The following CNTN4 variants were observed in gnomAD, a reference collection of about 807,000 sequenced individuals.
CNTN4 encodes the protein contactin 4.
A neutral mutation model predicts 122.5 loss-of-function variants in CNTN4; 77 were observed. The observed-to-expected ratio is 0.63, with a 90% confidence interval of 0.52 to 0.76. The LOEUF is 0.76. Ranked by LOEUF, CNTN4 falls within the 30% of genes least tolerant of loss-of-function variation. The pLI, the probability that CNTN4 is intolerant of heterozygous loss-of-function variation, is 0.00. For synonymous variants in CNTN4, 512 were observed against 447.0 expected, an observed-to-expected ratio of 1.15 and a Z score of -1.83; for missense variants, 1,256 against 1,259.1, an observed-to-expected ratio of 1.00 and a Z score of 0.04.
intron 2 of CNTN4, among the ~76,000 whole-genome samples, chr3:2,170,530 G>A (rs1378705858): frequency 6.6e-6 from 1 of 152,116 alleles, no homozygotes; most frequent in African/African-American, 2.4e-5. Flanking sequence ...TCATTCTAAG[G>A]ATGTCACATG....
chr3:2,159,984 C>G (rs758964855), intron 2 of CNTN4, among the ~76,000 whole-genome samples: 57 of 152,132 alleles, frequency 3.7e-4, no homozygotes, highest in Non-Finnish European at 7.2e-4. Flanking sequence ...CACCCAAATT[C>G]TTTTTCTTTG....
chr3:2,364,827 G>A (rs2045308917), intron 3 of CNTN4, among the ~76,000 whole-genome samples: 1 of 152,134 alleles, frequency 6.6e-6, no homozygotes. Flanking sequence ...GGTGAATCTA[G>A]GCCATTGCCA....
At chr3:3,043,545 T>C (rs1257236372) in intron 22 of CNTN4, 47 bp from the exon 23 acceptor site, 26 of 1,394,730 alleles carry the variant, frequency 1.9e-5, no homozygotes, top group Non-Finnish European at 2.5e-5. Context: ...TCAGAATCCA[T>C]TGAGACTTAA....
intron 3 of CNTN4, among the ~76,000 whole-genome samples, chr3:2,413,039 C>G (rs1382627902): frequency 3.3e-5 from 5 of 152,146 alleles, no homozygotes; most frequent in Non-Finnish European, 7.3e-5. Context: ...AAAATGTGTG[C>G]AGGATTCCAT....
rs114804707 is a variant in CNTN4, at chr3:2,776,923, C to A, written c.358+31226C>A. ...TGAGGGTGGGTATGCATATAAAATACATTGAAAATCCCTAATTTGTATTCC... is the reference window on the plus strand; with the variant it reads ...TGAGGGTGGGTATGCATATAAAATAAATTGAAAATCCCTAATTTGTATTCC... On this transcript the variant is annotated intron_variant, in intron 6 of 24. Transcript: ENST00000418658. Among the ~76,000 whole-genome samples the A allele has an allele frequency of 5.9e-3, 905 of 152,238 alleles. 12 individuals carry two copies. The highest frequency in any genetic ancestry group is 0.021 in the African/African-American group (873 of 41,532).
intron 7 of CNTN4, among the ~76,000 whole-genome samples, chr3:2,840,194 C>A (rs1442061985): frequency 6.6e-6 from 1 of 152,100 alleles, no homozygotes; most frequent in Non-Finnish European, 1.5e-5. Context: ...AACAACATAG[C>A]CTGCTTATGT....
At chr3:2,280,119 AT>A (rs1262199276) in intron 2 of CNTN4, among the ~76,000 whole-genome samples, 1 of 151,856 alleles carries the variant, frequency 6.6e-6, no homozygotes. Flanking sequence ...ACATGCATTT[AT>A]TTTTTTATTT....
At position 2,279,748 on chromosome 3, in the gene CNTN4, A is replaced by G. The variant is rs549475313; in HGVS notation, c.-144-59430A>G. 1.3e-3 allele frequency among the ~76,000 whole-genome samples: 201 copies of G among 151,916 alleles called. 1 individual carries two copies. Among genetic ancestry groups the G allele is most frequent in the African/African-American group, 4.7e-3 (197 of 41,486 alleles). ...CTTTAGACAGAATTTTGGTATATAT[A>G]TATGATATATATGTGATTATATCTA... On this transcript the variant is annotated intron_variant, in intron 2 of 24. Coordinates refer to ENST00000418658, the MANE Select transcript of CNTN4 (RefSeq NM_175607.3).
chr3:2,123,129 A>T (rs913422925), intron 2 of CNTN4, among the ~76,000 whole-genome samples: 10 of 152,174 alleles, frequency 6.6e-5, no homozygotes, highest in Admixed American at 6.5e-4. Flanking sequence ...GACACAGTGG[A>T]GTTTATGGTA....
chr3:2,564,779 G>A (rs73001939), intron 3 of CNTN4, among the ~76,000 whole-genome samples: 3,228 of 152,118 alleles, frequency 0.021, 58 homozygotes, highest in Non-Finnish European at 0.036. Flanking sequence ...GGTAGAATAA[G>A]GTTTTCTATA....
chr3:2,200,478 G>A (rs1004434204), intron 2 of CNTN4, among the ~76,000 whole-genome samples: 8 of 151,930 alleles, frequency 5.3e-5, no homozygotes, highest in South Asian at 4.2e-4. Flanking sequence ...TGAGGGGGAG[G>A]GGTTCTATTA....
chr3:2,325,274 A>G (rs544828160), intron 2 of CNTN4, among the ~76,000 whole-genome samples: 60 of 152,294 alleles, frequency 3.9e-4, no homozygotes, highest in African/African-American at 1.4e-3. Flanking sequence ...AGAACATGCT[A>G]TCCTCCTCAT....
chr3:2,257,725 C>G (rs1192699403), intron 2 of CNTN4, among the ~76,000 whole-genome samples: 1 of 152,134 alleles, frequency 6.6e-6, no homozygotes, highest in Non-Finnish European at 1.5e-5. Context: ...ATCAAAACCA[C>G]AATGAGATAC....
intron 4 of CNTN4, among the ~76,000 whole-genome samples, chr3:2,571,819 T>G (rs868380627): frequency 4.6e-5 from 7 of 152,294 alleles, no homozygotes; most frequent in African/African-American, 1.7e-4. Flanking sequence ...TTATTTAGTT[T>G]GAAAGTTGTT....
intron 3 of CNTN4, among the ~76,000 whole-genome samples, chr3:2,514,398 G>A (rs544071438): frequency 1.3e-5 from 2 of 152,210 alleles, no homozygotes; most frequent in African/African-American, 4.8e-5. Context: ...AGCTACCAGG[G>A]AGGCTGAGGT....
intron 3 of CNTN4, among the ~76,000 whole-genome samples, chr3:2,559,422 GA>G (rs1559234646): frequency 6.6e-6 from 1 of 152,042 alleles, no homozygotes; most frequent in East Asian, 1.9e-4. Flanking sequence ...GTATACTAAA[GA>G]AATAAGGGAC....
chr3:2,517,012 T>A (rs1471461378), intron 3 of CNTN4, among the ~76,000 whole-genome samples: 1 of 152,138 alleles, frequency 6.6e-6, no homozygotes, highest in Non-Finnish European at 1.5e-5. Context: ...GGTTTCATTC[T>A]GCAAAGGAAA....
At chr3:2,455,816 T>C (rs1423674251) in intron 3 of CNTN4, among the ~76,000 whole-genome samples, 1 of 152,094 alleles carries the variant, frequency 6.6e-6, no homozygotes, top group African/African-American at 2.4e-5. Context: ...GGGAAAGCTT[T>C]TGTGCACAGG....
intron 2 of CNTN4, among the ~76,000 whole-genome samples, chr3:2,212,648 T>C (rs536477218): frequency 1.3e-5 from 2 of 152,316 alleles, no homozygotes; most frequent in African/African-American, 4.8e-5. Context: ...GAGATTTGGA[T>C]AGGGACACAG....
Sources: allele counts gnomAD v4.1 joint callset (sites outside exome capture counted in the v4.1 genomes callset), GRCh38; gene constraint gnomAD v4.1.1; transcripts MANE v1.5; gene names NCBI Gene and HGNC (gene_info 2026-07-23, HGNC 2026-07-21).